ETV5: variants seen among roughly 807,000 people sequenced by gnomAD.
ETV5 encodes ETS translocation variant 5.
ETV5 carries 10 observed loss-of-function variants against 70.0 expected under a neutral mutation model. That is an observed-to-expected ratio of 0.14 (90% CI 0.09 to 0.24). ETV5 has a LOEUF of 0.24. Among genes scored for constraint, ETV5 ranks in the 10% least tolerant of loss-of-function variants. The pLI is 1.00. For synonymous variants in ETV5, 216 were observed against 242.2 expected, an observed-to-expected ratio of 0.89 and a Z score of 1.01; for missense variants, 453 against 651.2, an observed-to-expected ratio of 0.70 and a Z score of 3.31.
intron 5 of ETV5, among the ~76,000 whole-genome samples, chr3:186,104,178 C>T (rs899655461): frequency 2.0e-5 from 3 of 152,192 alleles, no homozygotes; most frequent in East Asian, 1.9e-4. Flanking sequence ...CCTGCTCATT[C>T]GCCAGTGACT....
intron 9 of ETV5, among the ~76,000 whole-genome samples, chr3:186,063,168 G>A (rs1026236484): frequency 3.3e-5 from 5 of 152,146 alleles, no homozygotes; most frequent in Non-Finnish European, 5.9e-5. Context: ...TACTTGGGAG[G>A]CTGAGGCAGG....
intron 9 of ETV5, among the ~76,000 whole-genome samples, chr3:186,063,578 C>T (rs987302163): frequency 1.3e-5 from 2 of 152,194 alleles, no homozygotes; most frequent in Admixed American, 6.5e-5. Flanking sequence ...TGATATAAAA[C>T]GATCATCTTC....
At chr3:186,072,578 A>G (rs1320129951) in intron 7 of ETV5, among the ~76,000 whole-genome samples, 1 of 152,182 alleles carries the variant, frequency 6.6e-6, no homozygotes, top group Non-Finnish European at 1.5e-5. Flanking sequence ...TTCCTGCGAT[A>G]TAACGAAGAG....
At chr3:186,061,749 A>T (rs904701120) in intron 9 of ETV5, among the ~76,000 whole-genome samples, 1 of 152,150 alleles carries the variant, frequency 6.6e-6, no homozygotes, top group Non-Finnish European at 1.5e-5. Flanking sequence ...CTCAAGCATG[A>T]TCTCAGTCCC....
intron 11 of ETV5, among the ~76,000 whole-genome samples, chr3:186,053,346 C>A (rs550274644): frequency 6.6e-6 from 1 of 152,354 alleles, no homozygotes; most frequent in African/African-American, 2.4e-5. Flanking sequence ...AAGTGACCCA[C>A]CTGCCTCAGC....
chr3:186,100,929 ACTG>A (rs1714437878), intron 5 of ETV5, among the ~76,000 whole-genome samples: 1 of 152,226 alleles, frequency 6.6e-6, no homozygotes, highest in South Asian at 2.1e-4. Flanking sequence ...TATTTAAAAA[ACTG>A]CTATTTATAT....
At chr3:186,082,225 T>C (rs1578553137) in intron 5 of ETV5, among the ~76,000 whole-genome samples, 1 of 152,154 alleles carries the variant, frequency 6.6e-6, no homozygotes, top group Non-Finnish European at 1.5e-5. Flanking sequence ...CCTTGGAAGG[T>C]GGGGAAGGAG....
At chr3:186,048,927 A>G (rs2150140114) in intron 12 of ETV5, 67 bp from the exon 13 acceptor site, 1 of 1,333,302 alleles carries the variant, frequency 7.5e-7, no homozygotes, top group East Asian at 2.4e-5. Context: ...GAAGAGAACG[A>G]GGTATTCCTA....
In ETV5 at chr3:186,046,817, A is replaced by G. The variant is rs1712890697; in HGVS notation, c.*1822T>C. Reference sequence around the variant, plus strand: ...TATGTGTAGGTTAAGAAAGCTATAAATATGGTTTAGAAAGAGTCCTTTGAT... The same window carrying G: ...TATGTGTAGGTTAAGAAAGCTATAAGTATGGTTTAGAAAGAGTCCTTTGAT... On this transcript the variant is annotated 3_prime_UTR_variant, in exon 13 of 13. Transcript: ENST00000306376. 4.3e-6 allele frequency: 1 copy of G among 232,298 alleles called. No homozygotes were observed. The highest frequency in any genetic ancestry group is 2.2e-5 in the African/African-American group (1 of 45,290). The allele number at this position is 232,298 out of a possible 1,614,324, so 14.4% of individuals were successfully genotyped here. A position where few individuals can be genotyped will look rare whatever the true frequency, so the allele number is the denominator to read the frequency against.
rs201212469 is a variant in ETV5 at position 186,048,782 on chromosome 3, G to A, written c.1390C>T (p.Arg464Cys). The A allele has an allele frequency of 5.6e-6, 9 of 1,614,110 alleles. No individual in the cohort carries two copies. Among genetic ancestry groups the A allele is most frequent in the Non-Finnish European group, 7.6e-6 (9 of 1,180,022 alleles). ...TCGGACTCTGCCTTCAGGAACGGAC[G>A]CTGGTTATCCGGGAAAGCCATGGAG... ...LFSMAFPDNQ[R>C]PFLKAESECH... Residue 464 changes from arginine to cysteine, a missense_variant, in exon 13 of 13, where the codon CGT (arginine) becomes TGT (cysteine). Transcript: ENST00000306376.
intron 5 of ETV5, among the ~76,000 whole-genome samples, chr3:186,098,349 G>A (rs1323610932): frequency 6.6e-6 from 1 of 152,166 alleles, no homozygotes; most frequent in African/African-American, 2.4e-5. Context: ...CTGGAAGCCT[G>A]CCTCTCCAGA....
At chr3:186,085,999 T>C (rs1714048904) in intron 5 of ETV5, among the ~76,000 whole-genome samples, 1 of 152,030 alleles carries the variant, frequency 6.6e-6, no homozygotes, top group Admixed American at 6.6e-5. Context: ...GGATGCCATC[T>C]CTCTCCCCAG....
chr3:186,096,929 C>A (rs1714316587), intron 5 of ETV5, among the ~76,000 whole-genome samples: 1 of 151,992 alleles, frequency 6.6e-6, no homozygotes, highest in Non-Finnish European at 1.5e-5. Flanking sequence ...ACCTGTAATG[C>A]CAGCTATGTG....
rs1179344720 is a variant in ETV5, at chr3:186,048,284, G to A, written c.*355C>T. ...TAAAGGCATTTAGTAGTCCATGATC[G>A]ATGCAGATTGTCACATACTATGTCC... is the stretch of plus-strand genomic sequence containing the variant. On this transcript the variant is annotated 3_prime_UTR_variant, in exon 13 of 13. Transcript: ENST00000306376. The A allele has an allele frequency of 6.0e-6, 2 of 332,002 alleles. No individual in the cohort carries two copies. The highest frequency in any genetic ancestry group is 5.3e-5 in the South Asian group (1 of 18,986). The allele number at this position is 332,002 out of a possible 1,614,324, so 20.6% of individuals were successfully genotyped here. A position where few individuals can be genotyped will look rare whatever the true frequency, so the allele number is the denominator to read the frequency against.
At chr3:186,069,503 T>TG (rs1491052219) in intron 7 of ETV5, among the ~76,000 whole-genome samples, 7 of 100,650 alleles carry the variant, frequency 7.0e-5, no homozygotes, top group East Asian at 2.6e-4. Context: ...ACGAAGTTGT[T>TG]TTTTTTTTTT....
At chr3:186,083,559 G>A (rs193301905) in intron 5 of ETV5, among the ~76,000 whole-genome samples, 4 of 152,246 alleles carry the variant, frequency 2.6e-5, no homozygotes, top group South Asian at 2.1e-4. Context: ...AGCTGCCAGC[G>A]AATTCTGATG....
At chr3:186,104,081 GCTATTATAAA>G (rs1560057717) in intron 5 of ETV5, among the ~76,000 whole-genome samples, 1 of 152,220 alleles carries the variant, frequency 6.6e-6, no homozygotes, top group East Asian at 1.9e-4. Context: ...TCAGGTGCTT[GCTATTATAAA>G]CTATGACTAA....
chr3:186,090,887 G>C (rs1157244000), intron 5 of ETV5, among the ~76,000 whole-genome samples: 1 of 152,194 alleles, frequency 6.6e-6, no homozygotes, highest in Non-Finnish European at 1.5e-5. Flanking sequence ...CAACTGTTCA[G>C]CCTAGTTTAC....
At chr3:186,088,072 C>G (rs1172601962) in intron 5 of ETV5, among the ~76,000 whole-genome samples, 1 of 152,192 alleles carries the variant, frequency 6.6e-6, no homozygotes, top group Non-Finnish European at 1.5e-5. Context: ...GACCGCCTTC[C>G]AGCAGTTGCC....
Sources: gnomAD v4.1 joint callset for allele counts (sites outside exome capture counted in the v4.1 genomes callset) on GRCh38, gnomAD v4.1.1 for gene constraint, MANE v1.5 for transcripts, NCBI Gene and HGNC (gene_info 2026-07-23, HGNC 2026-07-21) for gene names.